The following KDM4C variants were observed in gnomAD, a reference collection of about 807,000 sequenced individuals.
KDM4C encodes the protein lysine-specific demethylase 4C.
Under a neutral mutation model 129.3 loss-of-function variants are expected in KDM4C, and 81 were observed. The observed-to-expected ratio is 0.63, with a 90% CI of 0.52 to 0.75. KDM4C has a LOEUF of 0.75. Among genes scored for constraint, KDM4C ranks in the 30% least tolerant of loss-of-function variants. The pLI, the probability that KDM4C is intolerant of heterozygous loss-of-function variation, is 0.00. For missense variants in KDM4C, 1,457 were observed against 1,304.0 expected, an observed-to-expected ratio of 1.12 and a Z score of -1.81; for synonymous variants, 573 against 456.1, an observed-to-expected ratio of 1.26 and a Z score of -3.26.
At chr9:7,101,007 T>C (rs1172778755) in intron 17 of KDM4C, among the ~76,000 whole-genome samples, 1 of 152,178 alleles carries the variant, frequency 6.6e-6, no homozygotes, top group African/African-American at 2.4e-5. Context: ...CTGTCTCTTG[T>C]TTGTCATTGC....
chr9:6,991,428 C>G (rs573917627), intron 12 of KDM4C, among the ~76,000 whole-genome samples: 4 of 151,746 alleles, frequency 2.6e-5, no homozygotes, highest in African/African-American at 9.7e-5. Context: ...TTTTTGTTGC[C>G]TCAAATTAAA....
chr9:6,828,143 G>A (rs997063280), intron 4 of KDM4C, among the ~76,000 whole-genome samples: 4 of 151,926 alleles, frequency 2.6e-5, no homozygotes, highest in Admixed American at 2.0e-4. Flanking sequence ...GTCTGTCTCT[G>A]GAATAAGTTT....
At chr9:6,835,108 G>T (rs1488895864) in intron 4 of KDM4C, 7 of 1,008,500 alleles carry the variant, frequency 6.9e-6, no homozygotes, top group South Asian at 2.5e-5. Context: ...GTGCTATGTT[G>T]CTCTGGCCTT....
At chr9:6,909,745 A>G (rs962983983) in intron 8 of KDM4C, among the ~76,000 whole-genome samples, 1 of 152,204 alleles carries the variant, frequency 6.6e-6, no homozygotes, top group African/African-American at 2.4e-5. Context: ...TTGACAGCAA[A>G]AGAGGGTGAG....
At chr9:6,814,186 A>G (rs1258039682) in intron 3 of KDM4C, among the ~76,000 whole-genome samples, 1 of 152,184 alleles carries the variant, frequency 6.6e-6, no homozygotes, top group Non-Finnish European at 1.5e-5. Context: ...TTCAGCATTT[A>G]CCAATATAAT....
rs1323753233 is a variant in KDM4C, at chr9:6,980,842, T to C, written c.922-83T>C. On this transcript the variant is annotated intron_variant, in intron 8 of 21. Transcript: ENST00000381309. The stretch of plus-strand genomic sequence containing the variant: ...CCATTATGTAGTGACTAAGTATTCA[T>C]GGATGATGTGTTCAAGGACCAACTC... The C allele has an allele frequency of 5.2e-6, 6 of 1,160,238 alleles. No homozygotes were observed. The East Asian group carries it at 1.4e-4, about 27-fold the overall frequency. The allele number at this position is 1,160,238 out of a possible 1,614,324, so 71.9% of individuals were successfully genotyped here.
chr9:6,985,058 T>G (rs7027018), intron 10 of KDM4C, among the ~76,000 whole-genome samples: 1 of 151,926 alleles, frequency 6.6e-6, no homozygotes, highest in South Asian at 2.1e-4. Context: ...CCTCATGGGA[T>G]TCCCCCCTCC....
At chr9:7,091,190 A>C (rs949339446) in intron 17 of KDM4C, among the ~76,000 whole-genome samples, 2 of 152,114 alleles carry the variant, frequency 1.3e-5, no homozygotes, top group African/African-American at 4.8e-5. Flanking sequence ...TTCAATGGAA[A>C]CTTTCTTTTG....
chr9:6,806,606 C>T (rs1830021818), intron 3 of KDM4C, among the ~76,000 whole-genome samples: 1 of 151,986 alleles, frequency 6.6e-6, no homozygotes, highest in Non-Finnish European at 1.5e-5. Context: ...CAGATTCTGC[C>T]TCAGGGTCTC....
At chr9:6,803,752 A>G (rs943830817) in intron 2 of KDM4C, among the ~76,000 whole-genome samples, 6 of 98,622 alleles carry the variant, frequency 6.1e-5, no homozygotes, top group Non-Finnish European at 9.6e-5. Context: ...TAACAAAAAG[A>G]AAAAAAAAAA....
At chr9:7,096,471 T>A (rs1038398638) in intron 17 of KDM4C, among the ~76,000 whole-genome samples, 5 of 152,178 alleles carry the variant, frequency 3.3e-5, no homozygotes, top group Admixed American at 1.3e-4. Context: ...TCTATCTGTT[T>A]GGGCCATGTT....
At chr9:7,017,877 G>C (rs956611383) in intron 15 of KDM4C, among the ~76,000 whole-genome samples, 1 of 152,200 alleles carries the variant, frequency 6.6e-6, no homozygotes, top group African/African-American at 2.4e-5. Flanking sequence ...GTAAGTCTGA[G>C]AGTGGTGTCT....
intron 1 of KDM4C, among the ~76,000 whole-genome samples, chr9:6,776,052 T>C (rs1822964062): frequency 6.6e-6 from 1 of 152,234 alleles, no homozygotes; most frequent in Non-Finnish European, 1.5e-5. Context: ...TTTTTGTGCG[T>C]TCCGTATATC....
At chr9:7,018,821 A>C (rs1824148029) in intron 15 of KDM4C, among the ~76,000 whole-genome samples, 1 of 152,260 alleles carries the variant, frequency 6.6e-6, no homozygotes, top group Non-Finnish European at 1.5e-5. Flanking sequence ...TTTGGAATAG[A>C]CTTAAAGCAT....
intron 19 of KDM4C, among the ~76,000 whole-genome samples, chr9:7,141,723 C>G (rs1841759544): frequency 6.6e-6 from 1 of 152,012 alleles, no homozygotes; most frequent in Non-Finnish European, 1.5e-5. Flanking sequence ...GTTTTATACA[C>G]CTAGAGCAGT....
At chr9:7,148,432 G>A (rs1184866073) in intron 19 of KDM4C, among the ~76,000 whole-genome samples, 4 of 152,142 alleles carry the variant, frequency 2.6e-5, no homozygotes, top group Non-Finnish European at 4.4e-5. Flanking sequence ...GCTCTTTCCC[G>A]TTGTGTGGGG....
rs958566465 is a variant in KDM4C, at chr9:7,077,350, G to A, written c.2425-26335G>A. ...ATCCTATGCCCCTCCCCTCAACTAC[G>A]GCTGAAAAAAAAGTAAATATGAAAT... On this transcript the variant is annotated intron_variant, in intron 17 of 21. Coordinates refer to ENST00000381309, the MANE Select transcript of KDM4C (RefSeq NM_015061.6). 15 of 411,188 alleles carry A rather than the reference G, an allele frequency of 3.6e-5. No individual in the cohort carries two copies. The East Asian group carries it at 1.3e-3, about 35-fold the overall frequency. The allele number at this position is 411,188 out of a possible 1,614,324, so 25.5% of individuals were successfully genotyped here. A position where few individuals can be genotyped will look rare whatever the true frequency, so the allele number is the denominator to read the frequency against.
upstream of KDM4C, among the ~76,000 whole-genome samples, chr9:6,754,104 G>A (rs1377080088): frequency 6.6e-6 from 1 of 151,918 alleles, no homozygotes; most frequent in African/African-American, 2.4e-5. Flanking sequence ...TCGATCTCCT[G>A]ACCTCAGGTG....
chr9:6,925,874 T>C (rs113634296), intron 8 of KDM4C, among the ~76,000 whole-genome samples: 2,181 of 152,254 alleles, frequency 0.014, 52 homozygotes, highest in African/African-American at 0.049. Flanking sequence ...TGAAAGGGCA[T>C]TGGGACGTGA....
Sources: gnomAD v4.1 joint callset for allele counts (sites outside exome capture counted in the v4.1 genomes callset) on GRCh38, gnomAD v4.1.1 for gene constraint, MANE v1.5 for transcripts, NCBI Gene and HGNC (gene_info 2026-07-23, HGNC 2026-07-21) for gene names.